The following BEND2 variants were observed in gnomAD, a reference collection of about 807,000 sequenced individuals.
The protein encoded by BEND2 is BEN domain-containing protein 2.
Under a neutral mutation model 43.8 loss-of-function variants are expected in BEND2, and 19 were observed. The ratio of observed to expected loss-of-function variants is 0.43; its 90% CI spans 0.30 to 0.64. The LOEUF is 0.64. BEND2 is among the 30% of genes least tolerant of loss of function. The pLI is 0.11. For missense variants in BEND2, 544 were observed against 574.0 expected (o/e 0.95, Z 0.53); for synonymous variants, 226 against 210.1 (o/e 1.08, Z -0.66).
intron 6 of BEND2, among the ~76,000 whole-genome samples, chrX:18,200,479 GGCAACAGAGTAAGACTC>G (rs1925104635): frequency 9.8e-6 from 1 of 102,548 alleles, no homozygotes; most frequent in African/African-American, 3.6e-5. Context: ...TTCCAGCCTG[GGCAACAGAGTAAGACTC>G]TGTCTCAAAA....
chrX:18,190,740 ACTCT>A (rs59031812), intron 8 of BEND2, among the ~76,000 whole-genome samples: 4,363 of 98,103 alleles, frequency 0.044, 278 homozygotes, highest in African/African-American at 0.15. Context: ...AACTAAATAT[ACTCT>A]CTCTCTCTCT....
chrX:18,192,259 T>G (rs1459820395), intron 7 of BEND2, among the ~76,000 whole-genome samples: 2 of 112,065 alleles, frequency 1.8e-5, no homozygotes, highest in Non-Finnish European at 1.9e-5. Flanking sequence ...AATCATGAAT[T>G]CTATTATCAG....
chrX:18,219,502 GCA>G (rs1925785634), intron 1 of BEND2, among the ~76,000 whole-genome samples: 1 of 112,998 alleles, frequency 8.8e-6, no homozygotes, highest in South Asian at 3.6e-4. Flanking sequence ...CAGCGAAGCT[GCA>G]CAGTCTGTCT....
Position 18,177,603 on chromosome X carries a change from T to C in BEND2, c.1596A>G (p.Gln532=), listed in dbSNP as rs997676259. The C allele has an allele frequency of 5.0e-6, 6 of 1,211,396 alleles. No homozygotes were observed. Among genetic ancestry groups the C allele is most frequent in the South Asian group, 1.8e-5 (1 of 56,928 alleles). Residue 532 remains glutamine, a synonymous_variant, in exon 10 of 14, where the codon CAA becomes CAG. Transcript: ENST00000380033. The part of the protein sequence containing the change: ...SSVDIHLKDS[Q]SLDPNKMAAL... ...CAGCCATTTTGTTCGGGTCGAGGGA[T>C]TGGCTGTCTTTCAAATGGATATCCA... is the stretch of plus-strand genomic sequence containing the variant.
intron 8 of BEND2, among the ~76,000 whole-genome samples, chrX:18,183,038 T>C (rs1454030297): frequency 4.0e-5 from 2 of 49,855 alleles, no homozygotes; most frequent in Non-Finnish European, 6.9e-5. Context: ...CGAGACTCTG[T>C]CTCCAAAAAA....
intron 5 of BEND2, 62 bp from the exon 6 acceptor site, chrX:18,202,002 A>AGC: frequency 1.9e-6 from 2 of 1,054,153 alleles, no homozygotes; most frequent in Non-Finnish European, 2.6e-6. Flanking sequence ...TTCTATACAA[A>AGC]GCAAAATTAT....
rs1032686924 is a variant in BEND2, at chrX:18,169,961, C to T, written c.2185+1040G>A. 3.6e-5 allele frequency among the ~76,000 whole-genome samples: 4 copies of T among 111,567 alleles called. No individual in the cohort carries two copies. In the Admixed American group the frequency reaches 3.8e-4, roughly 11 times the overall value. Reference sequence around the variant, plus strand: ...TATAAAAGTCACCTATTTTCCCCCACATTAAAAAAAGGTAATTGGAAAGAC... The same window carrying T: ...TATAAAAGTCACCTATTTTCCCCCATATTAAAAAAAGGTAATTGGAAAGAC... On this transcript the variant is annotated intron_variant, in intron 13 of 13. Coordinates refer to ENST00000380033, the MANE Select transcript of BEND2 (RefSeq NM_153346.5).
intron 7 of BEND2, among the ~76,000 whole-genome samples, chrX:18,193,353 A>AGAAAG (rs1924837770): frequency 1.8e-5 from 2 of 111,028 alleles, no homozygotes; most frequent in Non-Finnish European, 3.8e-5. Flanking sequence ...AGAAAAGAAA[A>AGAAAG]GAAAAGAAAA....
Position 18,191,158 on chromosome X carries a change from A to C in BEND2, c.1181-50T>G, listed in dbSNP as rs773395438. 6 of 943,615 alleles carry C rather than the reference A, an allele frequency of 6.4e-6. No individual in the cohort carries two copies. The East Asian group carries it at 1.9e-4, about 31-fold the overall frequency. The allele number at this position is 943,615 out of a possible 1,213,427, so 77.8% of individuals were successfully genotyped here. On this transcript the variant is annotated intron_variant, in intron 7 of 13. Transcript: ENST00000380033. ...GTAAAACATTTTGCAGTGCTGAAAG[A>C]CAAGAAATCTCAACCATGTTTTTTA...
At chrX:18,166,391 C>T (rs945560903) in intron 13 of BEND2, among the ~76,000 whole-genome samples, 2 of 111,714 alleles carry the variant, frequency 1.8e-5, no homozygotes, top group Non-Finnish European at 3.8e-5. Context: ...TGCTACCCTC[C>T]GCAGCTAGTC....
In BEND2 at chrX:18,203,959, G is replaced by T. The variant is rs373343122; in HGVS notation, c.493-44C>A. 5 of 1,086,940 alleles carry T rather than the reference G, an allele frequency of 4.6e-6. No homozygotes were observed. The Admixed American group carries it at 1.1e-4, about 24-fold the overall frequency. The allele number at this position is 1,086,940 out of a possible 1,213,427, so 89.6% of individuals were successfully genotyped here. A position where few individuals can be genotyped will look rare whatever the true frequency, so the allele number is the denominator to read the frequency against. On this transcript the variant is annotated intron_variant, in intron 4 of 13. Transcript: ENST00000380033. Reference sequence around the variant, plus strand: ...CAGAATGAGTAAAGTTATTTTCTTCGGTTCCTAGACTTCAATTTCTCCATG... The same window carrying T: ...CAGAATGAGTAAAGTTATTTTCTTCTGTTCCTAGACTTCAATTTCTCCATG...
chrX:18,207,410 C>T (rs1925370746), intron 4 of BEND2, among the ~76,000 whole-genome samples: 1 of 111,015 alleles, frequency 9.0e-6, no homozygotes, highest in Non-Finnish European at 1.9e-5. Flanking sequence ...CTTTACAAAA[C>T]CTTGATGGGC....
In BEND2 at chrX:18,171,216, A is replaced by C; in HGVS notation, c.1982-12T>G. On this transcript the variant is annotated splice_polypyrimidine_tract_variant and intron_variant, in intron 12 of 13. Coordinates refer to ENST00000380033, the MANE Select transcript of BEND2 (RefSeq NM_153346.5). ...TCTTCCAAAATAGCCTAGAAGCAAA[A>C]AAGAAAGATGTCAATTTTCATAGCA... 1 of 1,186,505 alleles carries C rather than the reference A, an allele frequency of 8.4e-7. No individual in the cohort carries two copies. Among genetic ancestry groups the C allele is most frequent in the South Asian group, 1.8e-5 (1 of 55,240 alleles).
chrX:18,197,649 C>G (rs1924999771), intron 6 of BEND2, among the ~76,000 whole-genome samples: 1 of 110,808 alleles, frequency 9.0e-6, no homozygotes, highest in Non-Finnish European at 1.9e-5. Flanking sequence ...TGTTTTCCAG[C>G]CTGGTTTCTG....
chrX:18,211,301 G>A (rs932785865), intron 4 of BEND2, among the ~76,000 whole-genome samples: 5 of 111,859 alleles, frequency 4.5e-5, no homozygotes, highest in Middle Eastern at 4.2e-3. Context: ...ATGTAAAACA[G>A]TATGACCACT....
rs750376113 is a variant in BEND2 at position 18,166,670 on chromosome X, T to G, written c.2186-1447A>C. 8.9e-4 allele frequency among the ~76,000 whole-genome samples: 99 copies of G among 111,085 alleles called. 1 individual carries two copies. Among genetic ancestry groups the G allele is most frequent in the African/African-American group, 3.0e-3 (91 of 30,615 alleles). On this transcript the variant is annotated intron_variant, in intron 13 of 13. Coordinates refer to ENST00000380033, the MANE Select transcript of BEND2 (RefSeq NM_153346.5). ...CAGTGGCCAGGACGAACGGATTGCT[T>G]GAGCTCAGGAGTTTGTGACCAGCCT...
At chrX:18,173,940 T>C (rs764622075) in intron 12 of BEND2, 90 bp downstream of exon 12, 4 of 754,266 alleles carry the variant, frequency 5.3e-6, no homozygotes, top group East Asian at 3.5e-5. Flanking sequence ...GTAGAGAGAA[T>C]AGTACAATGA....
At chrX:18,192,130 G>A (rs1924791374) in intron 7 of BEND2, among the ~76,000 whole-genome samples, 2 of 111,982 alleles carry the variant, frequency 1.8e-5, no homozygotes, top group South Asian at 7.5e-4. Context: ...TCTGGTGACT[G>A]TTGTTTTCTA....
intron 4 of BEND2, among the ~76,000 whole-genome samples, chrX:18,206,582 G>A (rs1925340596): frequency 9.0e-6 from 1 of 110,719 alleles, no homozygotes; most frequent in Non-Finnish European, 1.9e-5. Context: ...AGGGACGCCC[G>A]ATTGGGGGCA....
Sources: allele counts gnomAD v4.1 joint callset (sites outside exome capture counted in the v4.1 genomes callset), GRCh38; gene constraint gnomAD v4.1.1; transcripts MANE v1.5; gene names NCBI Gene and HGNC (gene_info 2026-07-23, HGNC 2026-07-21).